The following LMX1A variants were observed in gnomAD, a reference collection of about 807,000 sequenced individuals.
LMX1A encodes the protein LIM homeobox transcription factor 1-alpha.
Under a neutral mutation model 49.1 loss-of-function variants are expected in LMX1A, and 15 were observed. The observed-to-expected ratio is 0.31, with a 90% CI of 0.20 to 0.47. The LOEUF (loss-of-function observed/expected upper bound fraction) is 0.47. Among genes scored for constraint, LMX1A ranks in the 20% least tolerant of loss-of-function variants. The probability of loss-of-function intolerance (pLI) is 1.00; values close to 1 mark genes in which losing one functional copy is unlikely to be tolerated. For missense variants in LMX1A, 372 were observed against 475.8 expected, an observed-to-expected ratio of 0.78 and a Z score of 2.03; for synonymous variants, 167 against 185.7, an observed-to-expected ratio of 0.90 and a Z score of 0.82.
chr1:165,353,827 C>G (rs1005266486), intron 2 of LMX1A, among the ~76,000 whole-genome samples: 1 of 152,154 alleles, frequency 6.6e-6, no homozygotes, highest in African/African-American at 2.4e-5. Flanking sequence ...CCGATGAACC[C>G]CAAACTGCTG....
intron 3 of LMX1A, among the ~76,000 whole-genome samples, chr1:165,284,286 C>T (rs988503446): frequency 1.1e-4 from 17 of 152,138 alleles, no homozygotes; most frequent in African/African-American, 3.9e-4. Context: ...GGATTATTAA[C>T]GGTATTGAGA....
At chr1:165,309,566 G>T (rs1376491248) in intron 3 of LMX1A, among the ~76,000 whole-genome samples, 1 of 152,170 alleles carries the variant, frequency 6.6e-6, no homozygotes, top group Non-Finnish European at 1.5e-5. Context: ...CTCCAGCCAA[G>T]ATCTGCCCAA....
At chr1:165,294,599 T>C (rs1187701953) in intron 3 of LMX1A, among the ~76,000 whole-genome samples, 5 of 152,250 alleles carry the variant, frequency 3.3e-5, no homozygotes, top group Non-Finnish European at 7.3e-5. Context: ...TGCCTAAGTT[T>C]GTTTATTTTT....
At chr1:165,288,513 T>C (rs16842094) in intron 3 of LMX1A, among the ~76,000 whole-genome samples, 1,672 of 152,148 alleles carry the variant, frequency 0.011, 29 homozygotes, top group African/African-American at 0.038. Flanking sequence ...GTGAAGCCTG[T>C]GCTAGAAAAA....
In LMX1A at chr1:165,355,813, G is replaced by GC. The variant is rs534500480; in HGVS notation, c.-22-233dup. The stretch of plus-strand genomic sequence containing the variant: ...CAACACGTTATGTACTTAGGCCTCC[G>GC]CCCCCCAACTGCGTTTCTCCTTCTC... On this transcript the variant is annotated intron_variant, in intron 1 of 8. Transcript: ENST00000342310. The surrounding 1 kb of genome is among the most constrained non-coding windows in gnomAD (Gnocchi z 4.7). 1.8e-5 allele frequency: 9 copies of GC among 498,060 alleles called. No homozygotes were observed. The highest frequency in any genetic ancestry group is 6.0e-5 in the South Asian group (2 of 33,226). 30.9% of individuals were successfully genotyped at this position (498,060 alleles called of 1,614,324 possible). A position where few individuals can be genotyped will look rare whatever the true frequency, so the allele number is the denominator to read the frequency against.
chr1:165,302,088 A>G (rs768403814), intron 3 of LMX1A, among the ~76,000 whole-genome samples: 1 of 152,164 alleles, frequency 6.6e-6, no homozygotes, highest in Non-Finnish European at 1.5e-5. Context: ...AGAGACAATA[A>G]GAAACCAAGT....
chr1:165,341,589 A>AATATATATATAT (rs5778445), intron 3 of LMX1A, among the ~76,000 whole-genome samples: 5 of 146,622 alleles, frequency 3.4e-5, no homozygotes, highest in African/African-American at 7.5e-5. Flanking sequence ...CAATAAACCA[A>AATATATATATAT]ATATATATAT....
intron 3 of LMX1A, among the ~76,000 whole-genome samples, chr1:165,334,417 C>T (rs1408622342): frequency 1.3e-5 from 2 of 152,132 alleles, no homozygotes; most frequent in Non-Finnish European, 2.9e-5. Flanking sequence ...TTACATTGAT[C>T]ATCTCATTTA....
chr1:165,235,418 ACACACT>A (rs979371355), intron 4 of LMX1A, among the ~76,000 whole-genome samples: 6 of 134,688 alleles, frequency 4.5e-5, no homozygotes, highest in East Asian at 2.7e-4. Flanking sequence ...ACACACACAC[ACACACT>A]CACACTCACA....
chr1:165,322,294 T>C, intron 3 of LMX1A, among the ~76,000 whole-genome samples: 1 of 152,166 alleles, frequency 6.6e-6, no homozygotes, highest in East Asian at 1.9e-4. Flanking sequence ...AACATAGAAT[T>C]GTCATGTGAC....
chr1:165,320,083 T>C (rs2101742880), intron 3 of LMX1A, among the ~76,000 whole-genome samples: 1 of 152,356 alleles, frequency 6.6e-6, no homozygotes, highest in Admixed American at 6.5e-5. Context: ...AAAATGCTTC[T>C]TTTATAAACA....
intron 4 of LMX1A, among the ~76,000 whole-genome samples, chr1:165,227,662 G>C (rs1366514191): frequency 3.3e-5 from 5 of 152,010 alleles, no homozygotes; most frequent in Non-Finnish European, 7.4e-5. Flanking sequence ...GGCTGTTTTG[G>C]GAAAAAAGTA....
chr1:165,339,310 G>T (rs1655995069), intron 3 of LMX1A, among the ~76,000 whole-genome samples: 1 of 152,188 alleles, frequency 6.6e-6, no homozygotes, highest in African/African-American at 2.4e-5. Flanking sequence ...TGCTTTGAGA[G>T]TCCTCCCAAG....
chr1:165,245,541 CT>C (rs10557208), intron 4 of LMX1A, among the ~76,000 whole-genome samples: 1 of 19,720 alleles, frequency 5.1e-5, no homozygotes, highest in East Asian at 4.7e-4. Context: ...GCTAATTACT[CT>C]CCTCAAGATT....
intron 3 of LMX1A, among the ~76,000 whole-genome samples, chr1:165,297,574 A>T (rs577737667): frequency 1.3e-5 from 2 of 152,092 alleles, no homozygotes; most frequent in Non-Finnish European, 2.9e-5. Context: ...TGGCCTCCAC[A>T]CTCCGGATGG....
chr1:165,275,719 C>G (rs565456367), intron 3 of LMX1A, among the ~76,000 whole-genome samples: 7 of 152,066 alleles, frequency 4.6e-5, no homozygotes, highest in African/African-American at 1.7e-4. Flanking sequence ...GTGGAGGGGA[C>G]GAGGCAGATG....
intron 3 of LMX1A, among the ~76,000 whole-genome samples, chr1:165,287,116 A>G (rs1654323153): frequency 6.6e-6 from 1 of 152,220 alleles, no homozygotes; most frequent in Non-Finnish European, 1.5e-5. Context: ...CTTCAAAGCA[A>G]ACTACCTAAT....
chr1:165,245,749 T>C (rs1300455291), intron 4 of LMX1A, among the ~76,000 whole-genome samples: 2 of 152,118 alleles, frequency 1.3e-5, no homozygotes, highest in Non-Finnish European at 2.9e-5. Context: ...CCATGTGGAA[T>C]TCCCTCAAAA....
intron 3 of LMX1A, among the ~76,000 whole-genome samples, chr1:165,275,837 G>GTA (rs1553207876): frequency 1.4e-5 from 1 of 73,246 alleles, no homozygotes; most frequent in Non-Finnish European, 3.1e-5. Flanking sequence ...TGGCGCTGGG[G>GTA]TGTGTGTGTA....
Sources: gnomAD v4.1 joint callset for allele counts (sites outside exome capture counted in the v4.1 genomes callset) on GRCh38, gnomAD v4.1.1 for gene constraint, Gnocchi (gnomAD v3.1) non-coding constraint, MANE v1.5 for transcripts, NCBI Gene and HGNC (gene_info 2026-07-23, HGNC 2026-07-21) for gene names.